Variants in CHST9 observed in about 807,000 individuals in gnomAD.
CHST9 encodes the protein GalNAc-4-sulfotransferase 2.
CHST9 carries 41 observed loss-of-function variants against 44.4 expected under a neutral mutation model. That is an observed-to-expected ratio of 0.92 (90% CI 0.72 to 1.20). CHST9 has a LOEUF of 1.20. Among genes scored for constraint, CHST9 ranks in the 50% most tolerant of loss-of-function variants. The pLI is 0.00. For missense variants in CHST9, 504 were observed against 516.5 expected, an observed-to-expected ratio of 0.98 and a Z score of 0.23; for synonymous variants, 171 against 178.4, an observed-to-expected ratio of 0.96 and a Z score of 0.33.
intron 4 of CHST9, among the ~76,000 whole-genome samples, chr18:26,998,741 A>AC (rs1457566074): frequency 7.9e-4 from 113 of 142,346 alleles, no homozygotes; most frequent in African/African-American, 2.5e-3. Context: ...AACAACAACA[A>AC]AAAAAAAAAA....
chr18:27,135,356 G>T (rs1033252972), intron 2 of CHST9, among the ~76,000 whole-genome samples: 4 of 152,116 alleles, frequency 2.6e-5, no homozygotes, highest in African/African-American at 9.7e-5. Flanking sequence ...TCTGGGTTTA[G>T]AAATAATTTC....
chr18:27,167,514 C>T (rs541456636), intron 1 of CHST9, among the ~76,000 whole-genome samples: 1 of 152,320 alleles, frequency 6.6e-6, no homozygotes, highest in South Asian at 2.1e-4. Context: ...CTTGGAGTTA[C>T]TCTAGCATAC....
intron 5 of CHST9, among the ~76,000 whole-genome samples, chr18:26,937,822 A>G (rs183036690): frequency 2.6e-3 from 391 of 152,244 alleles, no homozygotes; most frequent in South Asian, 6.9e-3. Context: ...AATAATACCG[A>G]CCATTATTAT....
intron 3 of CHST9, among the ~76,000 whole-genome samples, chr18:27,047,371 C>G (rs1191805269): frequency 7.1e-6 from 1 of 140,440 alleles, no homozygotes; most frequent in East Asian, 2.1e-4. Flanking sequence ...GACTCAGACA[C>G]TTTCTTGCCT....
At chr18:27,138,271 C>T (rs1198389614) in intron 2 of CHST9, among the ~76,000 whole-genome samples, 2 of 152,174 alleles carry the variant, frequency 1.3e-5, no homozygotes, top group Non-Finnish European at 2.9e-5. Flanking sequence ...CTGTATTCAC[C>T]ATGGTGCTCA....
intron 2 of CHST9, among the ~76,000 whole-genome samples, chr18:27,099,945 C>T (rs542481961): frequency 6.6e-6 from 1 of 151,758 alleles, no homozygotes; most frequent in African/African-American, 2.4e-5. Flanking sequence ...GCACTATTCA[C>T]AATAGCAAAG....
intron 2 of CHST9, among the ~76,000 whole-genome samples, chr18:27,117,195 A>G (rs986520259): frequency 6.6e-6 from 1 of 152,160 alleles, no homozygotes; most frequent in Non-Finnish European, 1.5e-5. Context: ...AAAAAAATAT[A>G]TCTACCCTAT....
At chr18:27,091,636 T>G (rs1203583459) in intron 2 of CHST9, among the ~76,000 whole-genome samples, 8 of 152,194 alleles carry the variant, frequency 5.3e-5, no homozygotes, top group Admixed American at 5.2e-4. Flanking sequence ...ACTTAGTTTA[T>G]TGAGAGTTTT....
At chr18:26,950,656 G>A (rs562525824) in intron 4 of CHST9, among the ~76,000 whole-genome samples, 9 of 152,306 alleles carry the variant, frequency 5.9e-5, no homozygotes, top group Non-Finnish European at 1.2e-4. Context: ...TCATTTATAA[G>A]TGGGAGCTAA....
At chr18:26,986,880 T>C (rs537768664) in intron 4 of CHST9, among the ~76,000 whole-genome samples, 2 of 152,160 alleles carry the variant, frequency 1.3e-5, no homozygotes, top group Non-Finnish European at 2.9e-5. Context: ...TGTGTACATA[T>C]AAAAATTGAA....
rs570415313 is a variant in CHST9, at chr18:27,087,925, TATTCCAAGAAG to T, written c.122-39433_122-39423del. On this transcript the variant is annotated intron_variant, in intron 2 of 5. Coordinates refer to ENST00000618847, the MANE Select transcript of CHST9 (RefSeq NM_031422.6). Reference sequence around the variant, plus strand: ...TGAGCAATCTCCCAACAATTTTGGGTATTCCAAGAAGATCATGTTAAAAATTCTTCATCACT... The same window carrying T: ...TGAGCAATCTCCCAACAATTTTGGGTATCATGTTAAAAATTCTTCATCACT... Among the ~76,000 whole-genome samples the T allele has an allele frequency of 3.2e-4, 48 of 152,296 alleles. No homozygotes were observed. In the East Asian group the frequency reaches 9.1e-3, roughly 29 times the overall value.
At chr18:27,174,409 G>T (rs1245193184) in intron 1 of CHST9, among the ~76,000 whole-genome samples, 1 of 151,784 alleles carries the variant, frequency 6.6e-6, no homozygotes, top group East Asian at 1.9e-4. Flanking sequence ...AGAGACTTTT[G>T]TGTCATTCTT....
intron 2 of CHST9, among the ~76,000 whole-genome samples, chr18:27,074,097 C>T (rs555892851): frequency 6.6e-6 from 1 of 152,260 alleles, no homozygotes; most frequent in South Asian, 2.1e-4. Flanking sequence ...ATATTTTATC[C>T]TAGCACATTT....
rs200746447 is a variant in CHST9, at chr18:27,138,163, A to G, written c.121+4526T>C. On this transcript the variant is annotated intron_variant, in intron 2 of 5. Transcript: ENST00000618847. ...ACAAAGGACTCCTCCTTTTGTCCCAATGGCTTGGCCTGGACTCAGGACCAT... is the reference window on the plus strand; with the variant it reads ...ACAAAGGACTCCTCCTTTTGTCCCAGTGGCTTGGCCTGGACTCAGGACCAT... Among the ~76,000 whole-genome samples the G allele has an allele frequency of 1.7e-4, 26 of 152,220 alleles. No homozygotes were observed. The East Asian group carries it at 5.0e-3, about 29-fold the overall frequency.
At position 26,908,780 on chromosome 18, in the gene CHST9, T is replaced by A. The variant is rs1206940748; in HGVS notation, c.*7479A>T. 1 of 152,196 alleles carries A rather than the reference T, an allele frequency of 6.6e-6. No homozygotes were observed. The highest frequency in any genetic ancestry group is 1.9e-4 in the East Asian group (1 of 5,204). 9.4% of individuals were successfully genotyped at this position (152,196 alleles called of 1,614,324 possible). A position where few individuals can be genotyped will look rare whatever the true frequency, so the allele number is the denominator to read the frequency against. On this transcript the variant is annotated 3_prime_UTR_variant, in exon 6 of 6. Transcript: ENST00000618847. ...AGAAAGGCAAAAAGAGACAAATCCT[T>A]TAATGAAGTTCAAGAAAATATACAT... is the stretch of plus-strand genomic sequence containing the variant.
At chr18:27,097,243 A>G (rs1395999787) in intron 2 of CHST9, among the ~76,000 whole-genome samples, 5 of 152,058 alleles carry the variant, frequency 3.3e-5, no homozygotes, top group Non-Finnish European at 7.4e-5. Context: ...GAAGGAGCAT[A>G]TATCAAAAAA....
At chr18:27,116,005 GTT>G (rs1470130730) in intron 2 of CHST9, among the ~76,000 whole-genome samples, 1 of 152,104 alleles carries the variant, frequency 6.6e-6, no homozygotes, top group Non-Finnish European at 1.5e-5. Context: ...TCATTATTGA[GTT>G]GTAAGTGTTC....
chr18:27,078,298 A>G (rs931435068), intron 2 of CHST9, among the ~76,000 whole-genome samples: 41 of 152,116 alleles, frequency 2.7e-4, no homozygotes, highest in Non-Finnish European at 5.6e-4. Context: ...CATTATGAGC[A>G]TTTTCTAAGT....
chr18:27,004,335 TTTTC>T (rs1206526349), intron 4 of CHST9, among the ~76,000 whole-genome samples: 3 of 94,138 alleles, frequency 3.2e-5, no homozygotes, highest in Admixed American at 1.2e-4. Flanking sequence ...TAGGCTTTTC[TTTTC>T]TGTCTTTTTT....
Sources: allele counts gnomAD v4.1 joint callset (sites outside exome capture counted in the v4.1 genomes callset), GRCh38; gene constraint gnomAD v4.1.1; transcripts MANE v1.5; gene names NCBI Gene and HGNC (gene_info 2026-07-23, HGNC 2026-07-21).